CTNND1: variants seen among roughly 807,000 people sequenced by gnomAD.
The protein encoded by CTNND1 is catenin delta 1.
Under a neutral mutation model 112.1 loss-of-function variants are expected in CTNND1, and 16 were observed. The ratio of observed to expected loss-of-function variants is 0.14; its 90% CI spans 0.10 to 0.22. The LOEUF (loss-of-function observed/expected upper bound fraction) is 0.22, where lower values mean the gene tolerates loss of function less well. CTNND1 is among the 10% of genes least tolerant of loss of function. The probability of loss-of-function intolerance (pLI) is 1.00; values close to 1 mark genes in which losing one functional copy is unlikely to be tolerated. For synonymous variants in CTNND1, 420 were observed against 446.5 expected (o/e 0.94, Z 0.75); for missense variants, 1,008 against 1,257.0 (o/e 0.80, Z 3.00).
intron 14 of CTNND1, 72 bp from the exon 15 acceptor site, chr11:57,809,202 A>T: frequency 2.9e-6 from 3 of 1,051,816 alleles, no homozygotes; most frequent in Non-Finnish European, 4.3e-6. Context: ...TGATTAATGC[A>T]GTTAAGTATA....
At chr11:57,798,222 C>T (rs889258088) in intron 6 of CTNND1, among the ~76,000 whole-genome samples, 12 of 151,388 alleles carry the variant, frequency 7.9e-5, no homozygotes, top group Admixed American at 4.0e-4. Flanking sequence ...TGGCTCGTGC[C>T]TGTAGTCTCA....
chr11:57,769,945 G>A (rs1404836781), intron 1 of CTNND1, among the ~76,000 whole-genome samples: 2 of 152,084 alleles, frequency 1.3e-5, no homozygotes, highest in African/African-American at 4.8e-5. Flanking sequence ...TACTTTCTCC[G>A]GAGTAAATCA....
At chr11:57,810,039 A>G in intron 15 of CTNND1, 70 bp from the exon 16 acceptor site, 2 of 1,139,926 alleles carry the variant, frequency 1.8e-6, no homozygotes. Flanking sequence ...ATGTTATTAG[A>G]GGATATAGGG....
chr11:57,815,076 C>T (rs1235176632), intron 18 of CTNND1, among the ~76,000 whole-genome samples: 2 of 152,082 alleles, frequency 1.3e-5, no homozygotes, highest in Non-Finnish European at 2.9e-5. Context: ...TACAAGTGTA[C>T]ACCATCACAC....
At chr11:57,812,754 G>A (rs1038527645) in intron 17 of CTNND1, among the ~76,000 whole-genome samples, 2 of 152,082 alleles carry the variant, frequency 1.3e-5, no homozygotes, top group Non-Finnish European at 2.9e-5. Flanking sequence ...GGGGTCAAGC[G>A]ATCCTCCTGC....
At chr11:57,763,121 A>C (rs1187616718) in intron 1 of CTNND1, among the ~76,000 whole-genome samples, 1 of 152,216 alleles carries the variant, frequency 6.6e-6, no homozygotes, top group East Asian at 1.9e-4. Flanking sequence ...GAAATCTCTT[A>C]GAGCTGAAGG....
intron 10 of CTNND1, 112 bp from the exon 11 acceptor site, chr11:57,806,346 TTTC>T: frequency 9.4e-7 from 1 of 1,058,550 alleles, no homozygotes; most frequent in East Asian, 2.6e-5. Flanking sequence ...GTGTTTTTCT[TTTC>T]TTCTCTGTGC....
At chr11:57,807,315 T>C (rs1390476492) in intron 12 of CTNND1, among the ~76,000 whole-genome samples, 1 of 152,148 alleles carries the variant, frequency 6.6e-6, no homozygotes, top group East Asian at 1.9e-4. Flanking sequence ...CCAAGAAAGA[T>C]ACTTTTTAGG....
At chr11:57,764,391 C>T (rs1950592237) in intron 1 of CTNND1, among the ~76,000 whole-genome samples, 1 of 152,146 alleles carries the variant, frequency 6.6e-6, no homozygotes, top group Non-Finnish European at 1.5e-5. Flanking sequence ...TAAGTAATTA[C>T]AATCCAGCCT....
At chr11:57,771,407 G>T (rs961781239) in intron 1 of CTNND1, among the ~76,000 whole-genome samples, 31 of 147,868 alleles carry the variant, frequency 2.1e-4, no homozygotes, top group African/African-American at 7.0e-4. Flanking sequence ...GTCTCAGGGT[G>T]GGGGTGAGGT....
In CTNND1 at chr11:57,801,920, G is replaced by A. The variant is rs1417155638; in HGVS notation, c.1144G>A (p.Val382Ile). The part of the protein sequence containing the change: ...IAMLGFRLDA[V>I]KSNAAAYLQH... ...CATGCTTGGATTCCGCTTGGATGCT[G>A]TCAAGTCCAATGCAGCTGCATACCT... Residue 382 changes from valine (V) to isoleucine (I), a missense_variant, in exon 7 of 21, where the codon GTC becomes ATC. Around this residue, in one of 5 missense-constraint regions of CTNND1, gnomAD observed 216 missense variants for 342.8 expected, o/e 0.63. Coordinates refer to ENST00000399050, the MANE Select transcript of CTNND1 (RefSeq NM_001085458.2). 4 of 1,614,020 alleles carry A rather than the reference G, an allele frequency of 2.5e-6. No individual in the cohort carries two copies. The South Asian group carries it at 4.4e-5, about 18-fold the overall frequency.
chr11:57,809,093 A>G (rs148733532), intron 14 of CTNND1, among the ~76,000 whole-genome samples, 181 bp from the exon 15 acceptor site: 44 of 152,342 alleles, frequency 2.9e-4, no homozygotes, highest in African/African-American at 1.0e-3. Flanking sequence ...AATAGGTAGG[A>G]CAGTAAATCC....
intron 1 of CTNND1, among the ~76,000 whole-genome samples, chr11:57,768,721 T>A (rs1338485140): frequency 6.6e-6 from 1 of 152,000 alleles, no homozygotes; most frequent in African/African-American, 2.4e-5. Flanking sequence ...GCAACCCTTA[T>A]TTGTGGACAT....
chr11:57,811,560 A>G (rs2063357199), intron 17 of CTNND1, 74 bp downstream of exon 17: 5 of 964,816 alleles, frequency 5.2e-6, no homozygotes, highest in Non-Finnish European at 8.0e-6. Flanking sequence ...AAGAAATAGG[A>G]TATATATTAT....
chr11:57,816,677 G>C lies in CTNND1; in HGVS notation c.*369G>C, dbSNP rs1175572200. ...GAATCTTCACTAGAAGCCGTGGGAAGAATTGGAAGTTACATGCTGTATATG... is the reference window on the plus strand; with the variant it reads ...GAATCTTCACTAGAAGCCGTGGGAACAATTGGAAGTTACATGCTGTATATG... On this transcript the variant is annotated 3_prime_UTR_variant, in exon 21 of 21. Transcript: ENST00000399050. 1 of 324,814 alleles carries C rather than the reference G, an allele frequency of 3.1e-6. No homozygotes were observed. Among genetic ancestry groups the C allele is most frequent in the Non-Finnish European group, 5.7e-6 (1 of 174,502 alleles). The allele number at this position is 324,814 out of a possible 1,614,324, so 20.1% of individuals were successfully genotyped here. A position where few individuals can be genotyped will look rare whatever the true frequency, so the allele number is the denominator to read the frequency against.
Position 57,796,866 on chromosome 11 carries a change from C to T in CTNND1, c.830C>T (p.Pro277Leu), listed in dbSNP as rs1260167030. The change falls in exon 6 of 21, where the codon CCA becomes CTA. Residue 277 changes from proline to leucine, a missense_variant. Pro to Leu is a moderately conservative substitution (Grantham distance 98). Transcript: ENST00000399050. The part of the protein sequence containing the change: ...GSSVDLHRFH[P>L]EPYGLEDDQR... ...AGCGTGGATCTGCATCGCTTTCATC[C>T]AGAGCCTTATGGGCTAGAGGATGAC... The T allele has an allele frequency of 1.2e-6, 2 of 1,611,166 alleles. No homozygotes were observed. Among genetic ancestry groups the T allele is most frequent in the Non-Finnish European group, 1.7e-6 (2 of 1,178,054 alleles).
chr11:57,794,191 G>A (rs1591473509), intron 4 of CTNND1, 110 bp downstream of exon 4: 9 of 866,472 alleles, frequency 1.0e-5, no homozygotes, highest in Admixed American at 2.4e-5. Context: ...GTACATACTC[G>A]TCAATTAGTT....
At chr11:57,810,036 T>G in intron 15 of CTNND1, 73 bp from the exon 16 acceptor site, 2 of 1,102,294 alleles carry the variant, frequency 1.8e-6, no homozygotes, top group Non-Finnish European at 2.6e-6. Flanking sequence ...CTTATGTTAT[T>G]AGAGGATATA....
chr11:57,816,511 T>G lies in CTNND1; in HGVS notation c.*203T>G. ...GTTTAATTGTCTCAACGCCTCCCCC[T>G]CCCCCATTCCCTCCATTTTTCTCCC... On this transcript the variant is annotated 3_prime_UTR_variant, in exon 21 of 21. Coordinates refer to ENST00000399050, the MANE Select transcript of CTNND1 (RefSeq NM_001085458.2). 3.4e-6 allele frequency: 2 copies of G among 596,828 alleles called. No individual in the cohort carries two copies. Among genetic ancestry groups the G allele is most frequent in the Non-Finnish European group, 5.9e-6 (2 of 337,916 alleles). The allele number at this position is 596,828 out of a possible 1,614,324, so 37.0% of individuals were successfully genotyped here. A position where few individuals can be genotyped will look rare whatever the true frequency, so the allele number is the denominator to read the frequency against.
Sources: gnomAD v4.1 joint callset for allele counts (sites outside exome capture counted in the v4.1 genomes callset) on GRCh38, gnomAD v4.1.1 for gene constraint, gnomAD v4.1.1 regional missense constraint, MANE v1.5 for transcripts, NCBI Gene and HGNC (gene_info 2026-07-23, HGNC 2026-07-21) for gene names.